The following VRK1 variants were observed in gnomAD, a reference collection of about 807,000 sequenced individuals.
The protein encoded by VRK1 is VRK serine/threonine kinase 1.
In VRK1, 33 loss-of-function variants were observed where a neutral mutation model predicts 57.1. The ratio of observed to expected loss-of-function variants is 0.58; its 90% CI spans 0.44 to 0.77. VRK1 has a LOEUF of 0.77. VRK1 is among the 30% of genes least tolerant of loss of function. The pLI is 0.00. For missense variants in VRK1, 413 were observed against 477.3 expected (o/e 0.87, Z 1.25); for synonymous variants, 137 against 147.8 (o/e 0.93, Z 0.53).
chr14:96,837,709 T>C (rs1887274814), intron 2 of VRK1, 53 bp from the exon 3 acceptor site: 1 of 1,129,636 alleles, frequency 8.9e-7, no homozygotes, highest in Non-Finnish European at 1.2e-6. Flanking sequence ...TAAATATTAA[T>C]ATATTTATAA....
At chr14:96,812,038 T>C (rs1245111878) in intron 1 of VRK1, among the ~76,000 whole-genome samples, 2 of 152,244 alleles carry the variant, frequency 1.3e-5, no homozygotes, top group African/African-American at 4.8e-5. Flanking sequence ...ATTGGAATCA[T>C]ATAATATGTA....
At chr14:96,877,531 C>G (rs755041228) in intron 12 of VRK1, 1 of 1,289,434 alleles carries the variant, frequency 7.8e-7, no homozygotes, top group Admixed American at 2.3e-5. Context: ...AGCAATACAT[C>G]GAAGCATGTC....
intron 11 of VRK1, among the ~76,000 whole-genome samples, chr14:96,866,659 G>A (rs999940262): frequency 4.6e-5 from 7 of 152,050 alleles, no homozygotes; most frequent in African/African-American, 1.7e-4. Flanking sequence ...CTTTTCAACG[G>A]GCTTAAGTCT....
intron 12 of VRK1, among the ~76,000 whole-genome samples, chr14:96,879,762 C>A (rs964543168): frequency 5.9e-5 from 9 of 151,498 alleles, no homozygotes; most frequent in South Asian, 2.1e-4. Context: ...AAGTCTAAGT[C>A]CTACTAAAAT....
At chr14:96,802,160 A>T (rs1566680329) in intron 1 of VRK1, among the ~76,000 whole-genome samples, 1 of 152,238 alleles carries the variant, frequency 6.6e-6, no homozygotes, top group East Asian at 1.9e-4. Context: ...TGTTGCTGGT[A>T]GGAATGTAAA....
chr14:96,815,433 A>G (rs888320282), intron 1 of VRK1, among the ~76,000 whole-genome samples: 1 of 152,198 alleles, frequency 6.6e-6, no homozygotes, highest in Non-Finnish European at 1.5e-5. Context: ...GGGAAAAATA[A>G]TAAAGACGGA....
chr14:96,873,907 A>G (rs1396563930), intron 11 of VRK1, among the ~76,000 whole-genome samples: 26 of 152,360 alleles, frequency 1.7e-4, no homozygotes, highest in Admixed American at 1.7e-3. Context: ...TTAATGCAGT[A>G]GAGTGCTTTA....
At chr14:96,838,805 ACT>A (rs770115758) in intron 3 of VRK1, among the ~76,000 whole-genome samples, 2 of 151,800 alleles carry the variant, frequency 1.3e-5, no homozygotes, top group African/African-American at 4.8e-5. Flanking sequence ...GTTTCGTTTT[ACT>A]CTCTTTTATA....
intron 3 of VRK1, 132 bp from the exon 4 acceptor site, chr14:96,845,961 AAC>A: frequency 1.3e-6 from 1 of 792,964 alleles, no homozygotes; most frequent in Non-Finnish European, 2.1e-6. Context: ...ACTTAATCTT[AAC>A]ACAGTTATAA....
chr14:96,840,901 G>A (rs1192680270), intron 3 of VRK1, among the ~76,000 whole-genome samples: 1 of 151,504 alleles, frequency 6.6e-6, no homozygotes, highest in Non-Finnish European at 1.5e-5. Context: ...TGTTGCCTGG[G>A]CTGGAGTGCA....
At position 96,876,132 on chromosome 14, in the gene VRK1, A is replaced by G; in HGVS notation, c.1159+12A>G. On this transcript the variant is annotated intron_variant, in intron 12 of 12. Coordinates refer to ENST00000216639, the MANE Select transcript of VRK1 (RefSeq NM_003384.3). ...GGCCATACAGACCCGTAAGTTGAAC[A>G]GTTTTGCCTAGCTGCTTTCATAGGT... is the stretch of plus-strand genomic sequence containing the variant. 8 of 1,613,168 alleles carry G rather than the reference A, an allele frequency of 5.0e-6. No homozygotes were observed. Among genetic ancestry groups the G allele is most frequent in the Non-Finnish European group, 5.9e-6 (7 of 1,179,270 alleles).
At chr14:96,868,994 C>T (rs904885788) in intron 11 of VRK1, among the ~76,000 whole-genome samples, 4 of 151,938 alleles carry the variant, frequency 2.6e-5, no homozygotes, top group African/African-American at 4.8e-5. Flanking sequence ...GGGGTTTCTC[C>T]GTGTTGGTCA....
At chr14:96,833,885 A>G (rs900318467) in intron 2 of VRK1, among the ~76,000 whole-genome samples, 4 of 152,214 alleles carry the variant, frequency 2.6e-5, no homozygotes, top group African/African-American at 7.2e-5. Context: ...AAGATACTTT[A>G]TATAATCTTA....
At chr14:96,868,984 G>A (rs1053605351) in intron 11 of VRK1, among the ~76,000 whole-genome samples, 4 of 151,870 alleles carry the variant, frequency 2.6e-5, no homozygotes, top group Non-Finnish European at 4.4e-5. Context: ...TAGTAGAGAC[G>A]GGGTTTCTCC....
intron 1 of VRK1, among the ~76,000 whole-genome samples, chr14:96,819,816 C>G (rs1245962465): frequency 1.3e-5 from 2 of 152,118 alleles, no homozygotes; most frequent in Non-Finnish European, 2.9e-5. Flanking sequence ...GCGGATGAGA[C>G]AAAACTTTGT....
At chr14:96,874,326 C>T (rs767665123) in intron 11 of VRK1, among the ~76,000 whole-genome samples, 1 of 152,158 alleles carries the variant, frequency 6.6e-6, no homozygotes, top group Non-Finnish European at 1.5e-5. Flanking sequence ...GTACCTAATG[C>T]ACTCCATCAG....
At chr14:96,843,542 G>A (rs1463076467) in intron 3 of VRK1, among the ~76,000 whole-genome samples, 2 of 152,166 alleles carry the variant, frequency 1.3e-5, no homozygotes, top group Non-Finnish European at 2.9e-5. Context: ...ATGGCAGCCA[G>A]TTGCTTTTAG....
intron 11 of VRK1, among the ~76,000 whole-genome samples, chr14:96,867,456 AGTGTGTGTGTGT>A (rs34415863): frequency 0.048 from 7,091 of 148,484 alleles, 185 homozygotes; most frequent in Non-Finnish European, 0.062. Context: ...TCTGTGCACA[AGTGTGTGTGTGT>A]GTGTGTGTGT....
chr14:96,810,287 TAA>T (rs761737605), intron 1 of VRK1, among the ~76,000 whole-genome samples: 2 of 152,244 alleles, frequency 1.3e-5, no homozygotes, highest in Non-Finnish European at 2.9e-5. Flanking sequence ...TTCACTCTCA[TAA>T]AGTTTTTGAT....
Sources: allele counts gnomAD v4.1 joint callset (sites outside exome capture counted in the v4.1 genomes callset), GRCh38; gene constraint gnomAD v4.1.1; transcripts MANE v1.5; gene names NCBI Gene and HGNC (gene_info 2026-07-23, HGNC 2026-07-21).